The following CNTN4 variants were observed in gnomAD, a reference collection of about 807,000 sequenced individuals.
The protein encoded by CNTN4 is contactin 4.
In CNTN4, 77 loss-of-function variants were observed where a neutral mutation model predicts 122.5. That is an observed-to-expected ratio of 0.63 (90% CI 0.52 to 0.76). CNTN4 has a LOEUF of 0.76. Ranked by LOEUF, CNTN4 falls within the 30% of genes least tolerant of loss-of-function variation. CNTN4 has a pLI of 0.00. For missense variants in CNTN4, 1,256 were observed against 1,259.1 expected (o/e 1.00, Z 0.04); for synonymous variants, 512 against 447.0 (o/e 1.15, Z -1.83).
chr3:3,001,512 C>G (rs911828806), intron 14 of CNTN4, among the ~76,000 whole-genome samples: 1 of 152,182 alleles, frequency 6.6e-6, no homozygotes, highest in African/African-American at 2.4e-5. Flanking sequence ...AACCCACAGA[C>G]TTGTATTGTT....
chr3:2,125,064 T>G (rs1052776441), intron 2 of CNTN4, among the ~76,000 whole-genome samples: 7 of 152,136 alleles, frequency 4.6e-5, no homozygotes, highest in African/African-American at 1.7e-4. Flanking sequence ...CACTTATTCA[T>G]CTTGCAGAAT....
rs535150877 is a variant in CNTN4, at chr3:2,651,342, C to G, written c.55+79784C>G. ...CCCTTTGTATTTTCAATCTGTGGGT[C>G]TCTTTAATGCCTTTATTCTCTCCTT... is the stretch of plus-strand genomic sequence containing the variant. On this transcript the variant is annotated intron_variant, in intron 4 of 24. Transcript: ENST00000418658. 4.6e-5 allele frequency among the ~76,000 whole-genome samples: 7 copies of G among 152,268 alleles called. No individual in the cohort carries two copies. In the East Asian group the frequency reaches 1.2e-3, roughly 25 times the overall value.
intron 12 of CNTN4, among the ~76,000 whole-genome samples, chr3:2,918,416 C>G (rs1488954537): frequency 6.6e-6 from 1 of 152,194 alleles, no homozygotes; most frequent in Non-Finnish European, 1.5e-5. Context: ...AGACCCAAAT[C>G]TGGGGAAAGC....
intron 2 of CNTN4, among the ~76,000 whole-genome samples, chr3:2,231,015 A>G (rs767614829): frequency 1.7e-4 from 26 of 152,216 alleles, no homozygotes; most frequent in South Asian, 4.2e-4. Context: ...CAAAAGAAAT[A>G]TGATGTGAAT....
chr3:2,579,844 A>G (rs183750443), intron 4 of CNTN4, among the ~76,000 whole-genome samples: 2 of 152,336 alleles, frequency 1.3e-5, no homozygotes, highest in African/African-American at 4.8e-5. Context: ...TATGGCAATG[A>G]TAATGATTAT....
chr3:2,557,652 C>T (rs2078775247), intron 3 of CNTN4, among the ~76,000 whole-genome samples: 1 of 151,756 alleles, frequency 6.6e-6, no homozygotes, highest in South Asian at 2.1e-4. Context: ...TGGCGTGAAC[C>T]TGGGAGGCGG....
chr3:2,774,536 C>T (rs2091236948), intron 6 of CNTN4, among the ~76,000 whole-genome samples: 1 of 152,138 alleles, frequency 6.6e-6, no homozygotes, highest in Non-Finnish European at 1.5e-5. Flanking sequence ...AATGGTTGCT[C>T]TTCACTCCAT....
At chr3:2,132,731 G>T (rs914983452) in intron 2 of CNTN4, among the ~76,000 whole-genome samples, 1 of 152,106 alleles carries the variant, frequency 6.6e-6, no homozygotes, top group Non-Finnish European at 1.5e-5. Flanking sequence ...TTTTCACAAT[G>T]AATGGGGTTT....
chr3:2,905,291 T>A (rs2094217356), intron 12 of CNTN4, among the ~76,000 whole-genome samples: 1 of 152,230 alleles, frequency 6.6e-6, no homozygotes, highest in Non-Finnish European at 1.5e-5. Context: ...GCAAACATGG[T>A]GGCTTATAGA....
chr3:2,116,605 T>C (rs73013107), intron 2 of CNTN4, among the ~76,000 whole-genome samples: 9,148 of 152,218 alleles, frequency 0.06, 659 homozygotes, highest in East Asian at 0.39. Context: ...TCTAGGTAGA[T>C]ATAAATAGGA....
intron 14 of CNTN4, among the ~76,000 whole-genome samples, chr3:3,010,043 G>A (rs528489208): frequency 6.6e-6 from 1 of 152,164 alleles, no homozygotes; most frequent in African/African-American, 2.4e-5. Context: ...CTTGGGGAAG[G>A]AGACTGAGAA....
At chr3:2,706,011 T>A (rs981817955) in intron 4 of CNTN4, among the ~76,000 whole-genome samples, 26 of 139,836 alleles carry the variant, frequency 1.9e-4, no homozygotes, top group African/African-American at 7.9e-5. Context: ...AAAATAAATA[T>A]ATATAAATAT....
intron 8 of CNTN4, among the ~76,000 whole-genome samples, chr3:2,867,768 C>G (rs556068747): frequency 1.3e-5 from 2 of 151,882 alleles, no homozygotes; most frequent in Non-Finnish European, 2.9e-5. Context: ...CCTACTGTAT[C>G]GAGTCTACGA....
chr3:2,627,217 G>T (rs1341463906), intron 4 of CNTN4, among the ~76,000 whole-genome samples: 3 of 152,122 alleles, frequency 2.0e-5, no homozygotes, highest in African/African-American at 7.2e-5. Flanking sequence ...TTGCATCTTT[G>T]CACCATGTAC....
chr3:3,002,178 T>G (rs1366981818), intron 14 of CNTN4, among the ~76,000 whole-genome samples: 1 of 152,174 alleles, frequency 6.6e-6, no homozygotes, highest in Non-Finnish European at 1.5e-5. Context: ...TTTTCTAATT[T>G]TTATGAATAT....
chr3:2,537,955 C>G (rs2077875621), intron 3 of CNTN4, among the ~76,000 whole-genome samples: 1 of 151,848 alleles, frequency 6.6e-6, no homozygotes, highest in Non-Finnish European at 1.5e-5. Context: ...TGTGCTCCTC[C>G]CCCTACCCCC....
At chr3:2,747,843 C>G (rs1346897998) in intron 6 of CNTN4, among the ~76,000 whole-genome samples, 1 of 152,200 alleles carries the variant, frequency 6.6e-6, no homozygotes. Context: ...CAGCAGACTG[C>G]TCTACTTGTT....
At chr3:2,185,309 T>C (rs1193177182) in intron 2 of CNTN4, among the ~76,000 whole-genome samples, 1 of 152,164 alleles carries the variant, frequency 6.6e-6, no homozygotes, top group East Asian at 1.9e-4. Context: ...CCTCTGACCT[T>C]TGCAGGAAAG....
At chr3:3,023,887 G>A (rs535433126) in intron 14 of CNTN4, among the ~76,000 whole-genome samples, 1 of 152,140 alleles carries the variant, frequency 6.6e-6, no homozygotes, top group Non-Finnish European at 1.5e-5. Context: ...TGTGGACATC[G>A]TGTTTTCAGT....
Sources: allele counts gnomAD v4.1 joint callset (sites outside exome capture counted in the v4.1 genomes callset), GRCh38; gene constraint gnomAD v4.1.1; transcripts MANE v1.5; gene names NCBI Gene and HGNC (gene_info 2026-07-23, HGNC 2026-07-21).